CHSY3: variants seen among roughly 807,000 people sequenced by gnomAD.
CHSY3 encodes chondroitin sulfate synthase 3.
In CHSY3, 35 loss-of-function variants were observed where a neutral mutation model predicts 67.2. The observed-to-expected ratio is 0.52, with a 90% CI of 0.40 to 0.69. The LOEUF is 0.69. Among genes scored for constraint, CHSY3 ranks in the 30% least tolerant of loss-of-function variants. The pLI is 0.00. For synonymous variants in CHSY3, 474 were observed against 434.7 expected (o/e 1.09, Z -1.12); for missense variants, 1,069 against 1,138.5 (o/e 0.94, Z 0.88).
intron 2 of CHSY3, among the ~76,000 whole-genome samples, chr5:130,006,732 T>C (rs1330356896): frequency 6.6e-6 from 1 of 152,164 alleles, no homozygotes. Flanking sequence ...AGCTATATCA[T>C]TTTTAAAATT....
rs533691082 is a variant in CHSY3 at position 130,150,097 on chromosome 5, T to C, written c.1087-34132T>C. The stretch of plus-strand genomic sequence containing the variant: ...AAAATATTTTCCAAATTTTGTAAAG[T>C]AAGTATTTATTACTTTTTTTCACAA... On this transcript the variant is annotated intron_variant, in intron 2 of 2. Transcript: ENST00000305031. Among the ~76,000 whole-genome samples the C allele has an allele frequency of 5.9e-5, 9 of 152,326 alleles. No individual in the cohort carries two copies. The South Asian group carries it at 1.9e-3, about 32-fold the overall frequency.
intron 2 of CHSY3, among the ~76,000 whole-genome samples, chr5:129,990,431 T>C (rs1221771842): frequency 6.6e-6 from 1 of 151,650 alleles, no homozygotes; most frequent in Admixed American, 6.6e-5. Flanking sequence ...GTGGCCTTTT[T>C]ACCTGTCAAT....
At chr5:129,958,473 C>A (rs1467368229) in intron 2 of CHSY3, among the ~76,000 whole-genome samples, 2 of 152,072 alleles carry the variant, frequency 1.3e-5, no homozygotes, top group African/African-American at 4.8e-5. Context: ...CCCAAGCCTG[C>A]ATTAGAAAGC....
chr5:129,932,140 ATATG>A (rs1554070946), intron 2 of CHSY3, among the ~76,000 whole-genome samples: 2 of 136,346 alleles, frequency 1.5e-5, no homozygotes, highest in African/African-American at 5.9e-5. Context: ...ATATATATAT[ATATG>A]TATATGAGAG....
chr5:130,126,040 C>T (rs995808094), intron 2 of CHSY3, among the ~76,000 whole-genome samples: 2 of 152,076 alleles, frequency 1.3e-5, no homozygotes, highest in African/African-American at 4.8e-5. Flanking sequence ...ATGGTTTTTG[C>T]AATGCCTTTT....
At chr5:130,160,601 T>C (rs1769501552) in intron 2 of CHSY3, among the ~76,000 whole-genome samples, 1 of 152,230 alleles carries the variant, frequency 6.6e-6, no homozygotes, top group South Asian at 2.1e-4. Flanking sequence ...CCAAAGAATT[T>C]TGATTCTTTT....
intron 2 of CHSY3, among the ~76,000 whole-genome samples, chr5:129,925,038 A>G (rs1222424912): frequency 1.3e-5 from 2 of 152,188 alleles, no homozygotes; most frequent in Non-Finnish European, 2.9e-5. Flanking sequence ...TCATGGAGGG[A>G]GATAAAAAAT....
chr5:130,074,583 T>A (rs1766191344), intron 2 of CHSY3, among the ~76,000 whole-genome samples: 1 of 152,202 alleles, frequency 6.6e-6, no homozygotes, highest in Non-Finnish European at 1.5e-5. Context: ...TGTCTACTTA[T>A]GAAAGATCCA....
At chr5:130,051,398 C>G (rs1765352107) in intron 2 of CHSY3, among the ~76,000 whole-genome samples, 1 of 152,026 alleles carries the variant, frequency 6.6e-6, no homozygotes. Flanking sequence ...AATTTTGATT[C>G]TTTCTAGGCT....
intron 2 of CHSY3, among the ~76,000 whole-genome samples, chr5:130,169,013 G>C (rs1487385567): frequency 1.3e-5 from 2 of 152,080 alleles, no homozygotes; most frequent in Admixed American, 6.6e-5. Flanking sequence ...AGTAGGAGAG[G>C]GAGCCAAACT....
At chr5:129,945,942 A>T (rs1393137254) in intron 2 of CHSY3, among the ~76,000 whole-genome samples, 1 of 152,092 alleles carries the variant, frequency 6.6e-6, no homozygotes, top group East Asian at 1.9e-4. Context: ...TGACTCAGAG[A>T]AAAAAGAGAG....
intron 2 of CHSY3, among the ~76,000 whole-genome samples, chr5:130,178,253 A>ATTTTTTTTTTTTTTTT (rs10699248): frequency 8.7e-5 from 4 of 45,912 alleles, no homozygotes; most frequent in Non-Finnish European, 1.1e-4. Context: ...ATATATATAT[A>ATTTTTTTTTTTTTTTT]TTTTTTTTTT....
chr5:129,905,874 G>C, intron 1 of CHSY3: 1 of 840,090 alleles, frequency 1.2e-6, no homozygotes, highest in Non-Finnish European at 1.7e-6. Flanking sequence ...CTCACTTGCT[G>C]TTTTCGGTGC....
intron 2 of CHSY3, 139 bp downstream of exon 2, chr5:129,908,499 A>C: frequency 7.6e-7 from 1 of 1,310,316 alleles, no homozygotes. Context: ...AAGGGATACA[A>C]GAGTGGGAGA....
chr5:129,972,397 T>G (rs371701007), intron 2 of CHSY3, among the ~76,000 whole-genome samples: 2 of 152,092 alleles, frequency 1.3e-5, no homozygotes, highest in African/African-American at 2.4e-5. Context: ...GATGCAGTTA[T>G]GCAAGCCCAG....
chr5:130,124,035 A>G (rs12187570), intron 2 of CHSY3, among the ~76,000 whole-genome samples: 1 of 88,372 alleles, frequency 1.1e-5, no homozygotes, highest in Non-Finnish European at 2.1e-5. Flanking sequence ...GCAAGACTCC[A>G]TCTCAAAAAA....
chr5:130,143,808 GTGTATATATATATATATA>G (rs1768979829), intron 2 of CHSY3, among the ~76,000 whole-genome samples: 1 of 34,070 alleles, frequency 2.9e-5, no homozygotes, highest in South Asian at 1.4e-3. Flanking sequence ...ATATATATGT[GTGTATATATATATATATA>G]TATATATATA....
chr5:129,924,852 C>G (rs984492227), intron 2 of CHSY3, among the ~76,000 whole-genome samples: 2 of 152,028 alleles, frequency 1.3e-5, no homozygotes, highest in African/African-American at 4.8e-5. Context: ...AAATTCCCAG[C>G]CTTTTTAGAC....
chr5:130,176,846 T>C (rs558810732), intron 2 of CHSY3, among the ~76,000 whole-genome samples: 5 of 151,802 alleles, frequency 3.3e-5, no homozygotes, highest in Non-Finnish European at 5.9e-5. Context: ...TGTTGAGGAG[T>C]GGGATACTAG....
Sources: allele counts gnomAD v4.1 joint callset (sites outside exome capture counted in the v4.1 genomes callset), GRCh38; gene constraint gnomAD v4.1.1; transcripts MANE v1.5; gene names NCBI Gene and HGNC (gene_info 2026-07-23, HGNC 2026-07-21).